The following MAF variants were observed in gnomAD, a reference collection of about 807,000 sequenced individuals.
MAF encodes the protein MAF bZIP transcription factor.
In MAF, 10 loss-of-function variants were observed where a neutral mutation model predicts 22.0. The observed-to-expected ratio is 0.45, with a 90% CI of 0.28 to 0.77. The LOEUF is 0.77. MAF is among the 30% of genes least tolerant of loss of function. The pLI is 0.12. For synonymous variants in MAF, 337 were observed against 255.8 expected (o/e 1.32, Z -3.03); for missense variants, 544 against 548.4 (o/e 0.99, Z 0.08).
At chr16:79,374,819 A>G in the MAF span, among the ~76,000 whole-genome samples, 1 of 152,202 alleles carries the variant, frequency 6.6e-6, no homozygotes, top group Admixed American at 6.5e-5. Context: ...ATAGTATCTC[A>G]TTAATTCAGA....
chr16:79,480,240 A>G, the MAF span, among the ~76,000 whole-genome samples: 1 of 152,160 alleles, frequency 6.6e-6, no homozygotes, highest in Non-Finnish European at 1.5e-5. Flanking sequence ...GACTGCTCAA[A>G]TTCCCCAATT....
the MAF span, chr16:79,515,954 C>G: frequency 3.4e-5 from 4 of 116,818 alleles, no homozygotes; most frequent in African/African-American, 1.3e-4. Flanking sequence ...AAAAATTAAG[C>G]CTTTTTTTTT....
the MAF span, among the ~76,000 whole-genome samples, chr16:79,544,318 A>G: frequency 6.6e-6 from 1 of 152,214 alleles, no homozygotes; most frequent in African/African-American, 2.4e-5. Context: ...CTCGGTCATC[A>G]CACATGGCAG....
the MAF span, among the ~76,000 whole-genome samples, chr16:79,279,353 A>C: frequency 6.6e-6 from 1 of 152,188 alleles, no homozygotes; most frequent in Non-Finnish European, 1.5e-5. Context: ...TGAAGAGAAA[A>C]TGGGGCTGAA....
chr16:79,563,736 AACAC>A, the MAF span, among the ~76,000 whole-genome samples: 292 of 144,260 alleles, frequency 2.0e-3, no homozygotes, highest in East Asian at 6.3e-3. Flanking sequence ...TTAGCTAGCA[AACAC>A]ACACACACAC....
chr16:79,563,991 A>G, the MAF span, among the ~76,000 whole-genome samples: 1 of 152,248 alleles, frequency 6.6e-6, no homozygotes, highest in Non-Finnish European at 1.5e-5. Flanking sequence ...TTTATTCTTA[A>G]TCTAGTTCAT....
At chr16:79,222,442 T>C in the MAF span, among the ~76,000 whole-genome samples, 1 of 152,092 alleles carries the variant, frequency 6.6e-6, no homozygotes. Flanking sequence ...ATGGGCAAAG[T>C]AACTAGCTAG....
At chr16:79,305,590 G>T in the MAF span, among the ~76,000 whole-genome samples, 2 of 152,280 alleles carry the variant, frequency 1.3e-5, no homozygotes, top group Admixed American at 1.3e-4. Context: ...ACTAGGATTG[G>T]GGAGTTTAGA....
the MAF span, among the ~76,000 whole-genome samples, chr16:79,268,532 C>A: frequency 6.6e-6 from 1 of 152,138 alleles, no homozygotes; most frequent in Admixed American, 6.5e-5. Flanking sequence ...CACCTTTCCC[C>A]ACAGTAGCCA....
At chr16:79,393,706 G>T in the MAF span, among the ~76,000 whole-genome samples, 1 of 152,176 alleles carries the variant, frequency 6.6e-6, no homozygotes, top group Non-Finnish European at 1.5e-5. Context: ...GGACATCGAT[G>T]CTTGGCTAGC....
At chr16:79,220,630 C>G in the MAF span, among the ~76,000 whole-genome samples, 1 of 151,982 alleles carries the variant, frequency 6.6e-6, no homozygotes, top group Non-Finnish European at 1.5e-5. Context: ...TAATATAAAT[C>G]GTGGTTTAGT....
At chr16:79,383,812 C>A in the MAF span, among the ~76,000 whole-genome samples, 4,589 of 152,140 alleles carry the variant, frequency 0.03, 144 homozygotes, top group African/African-American at 0.074. Context: ...AGAAGGCTAT[C>A]AGAATTCAAA....
the MAF span, among the ~76,000 whole-genome samples, chr16:79,353,349 G>C: frequency 6.6e-6 from 1 of 152,112 alleles, no homozygotes; most frequent in Non-Finnish European, 1.5e-5. Context: ...GGCTAGTCTT[G>C]AACTGCGAAG....
At chr16:79,400,693 A>G in the MAF span, among the ~76,000 whole-genome samples, 1 of 152,246 alleles carries the variant, frequency 6.6e-6, no homozygotes, top group African/African-American at 2.4e-5. Context: ...TAAACAGGTC[A>G]GACATTATCT....
chr16:79,433,942 C>T, the MAF span, among the ~76,000 whole-genome samples: 3 of 152,180 alleles, frequency 2.0e-5, no homozygotes, highest in Non-Finnish European at 4.4e-5. Flanking sequence ...AGGCCACAGT[C>T]CCTACCTTTC....
At chr16:79,429,044 G>A in the MAF span, among the ~76,000 whole-genome samples, 1 of 152,054 alleles carries the variant, frequency 6.6e-6, no homozygotes, top group East Asian at 1.9e-4. Flanking sequence ...ATGAGGCTAG[G>A]ATGTGCTGTA....
the MAF span, among the ~76,000 whole-genome samples, chr16:79,400,904 T>C: frequency 6.6e-6 from 1 of 152,244 alleles, no homozygotes; most frequent in Non-Finnish European, 1.5e-5. Context: ...GGCCCAATCC[T>C]GTCCAAAGTC....
chr16:79,261,473 C>T, the MAF span, among the ~76,000 whole-genome samples: 1 of 152,200 alleles, frequency 6.6e-6, no homozygotes, highest in East Asian at 1.9e-4. Context: ...TAAGACTTAG[C>T]ACAGGAGCTT....
At chr16:79,374,102 G>A in the MAF span, among the ~76,000 whole-genome samples, 3 of 152,056 alleles carry the variant, frequency 2.0e-5, no homozygotes, top group Non-Finnish European at 4.4e-5. Context: ...CATCAAACAA[G>A]TAAAAAAATA....
Sources: gnomAD v4.1 joint callset for allele counts (sites outside exome capture counted in the v4.1 genomes callset) on GRCh38, gnomAD v4.1.1 for gene constraint, MANE v1.5 for transcripts, NCBI Gene and HGNC (gene_info 2026-07-23, HGNC 2026-07-21) for gene names.